GABRB2: variants seen among roughly 807,000 people sequenced by gnomAD.
GABRB2 encodes the protein gamma-aminobutyric acid receptor subunit beta-2.
A neutral mutation model predicts 54.7 loss-of-function variants in GABRB2; 16 were observed. The observed-to-expected ratio is 0.29, with a 90% CI of 0.20 to 0.44. The LOEUF (loss-of-function observed/expected upper bound fraction) is 0.44, where lower values mean the gene tolerates loss of function less well. Ranked by LOEUF, GABRB2 falls within the 20% of genes least tolerant of loss-of-function variation. The pLI is 1.00. For synonymous variants in GABRB2, 244 were observed against 233.8 expected (o/e 1.04, Z -0.40); for missense variants, 355 against 644.0 (o/e 0.55, Z 4.86).
intron 3 of GABRB2, among the ~76,000 whole-genome samples, chr5:161,518,738 C>T (rs181058705): frequency 6.6e-6 from 1 of 152,194 alleles, no homozygotes; most frequent in African/African-American, 2.4e-5. Context: ...AAAAGAGATG[C>T]TGATAAAGTC....
At chr5:161,365,665 T>A (rs186478017) in intron 5 of GABRB2, among the ~76,000 whole-genome samples, 43 of 152,278 alleles carry the variant, frequency 2.8e-4, no homozygotes, top group African/African-American at 1.0e-3. Context: ...ATTAGAAACA[T>A]GGAGAGGTTA....
At chr5:161,495,782 C>A (rs1246338112) in intron 3 of GABRB2, among the ~76,000 whole-genome samples, 1 of 152,076 alleles carries the variant, frequency 6.6e-6, no homozygotes, top group Non-Finnish European at 1.5e-5. Flanking sequence ...GAGACTTCCT[C>A]ATGAGGTGGC....
At chr5:161,335,666 G>T (rs4566829) in intron 6 of GABRB2, among the ~76,000 whole-genome samples, 13,219 of 152,150 alleles carry the variant, frequency 0.087, 639 homozygotes, top group Middle Eastern at 0.088. Context: ...GCCTTGTTTA[G>T]TTTTTGGAGG....
chr5:161,446,639 G>C (rs1757621870), intron 4 of GABRB2, among the ~76,000 whole-genome samples: 1 of 152,056 alleles, frequency 6.6e-6, no homozygotes, highest in African/African-American at 2.4e-5. Context: ...ATTTGTCTAA[G>C]ATTCAGTTCA....
chr5:161,509,301 C>T (rs976524701), intron 3 of GABRB2, among the ~76,000 whole-genome samples: 4 of 151,962 alleles, frequency 2.6e-5, no homozygotes, highest in Non-Finnish European at 5.9e-5. Context: ...AATATTTCTA[C>T]CATTTCTTCA....
chr5:161,382,887 C>T (rs912394353), intron 5 of GABRB2, among the ~76,000 whole-genome samples: 3 of 152,190 alleles, frequency 2.0e-5, no homozygotes, highest in Non-Finnish European at 4.4e-5. Context: ...ATGAGGTCCC[C>T]TGAGCCGATC....
chr5:161,434,679 C>T (rs1757261407), intron 4 of GABRB2, among the ~76,000 whole-genome samples: 1 of 152,250 alleles, frequency 6.6e-6, no homozygotes, highest in South Asian at 2.1e-4. Flanking sequence ...TCACCCCCTC[C>T]CCATCACCTC....
At chr5:161,454,332 A>C (rs1013688958) in intron 4 of GABRB2, among the ~76,000 whole-genome samples, 1 of 152,200 alleles carries the variant, frequency 6.6e-6, no homozygotes, top group Non-Finnish European at 1.5e-5. Context: ...CAATGGCTGC[A>C]GATACCTGGT....
intron 2 of GABRB2, 127 bp downstream of exon 2, chr5:161,546,195 T>C: frequency 4.2e-6 from 3 of 713,626 alleles, no homozygotes; most frequent in Admixed American, 4.8e-5. Context: ...TTTCTCAATA[T>C]GGTAAAATAG....
rs957568782 is a variant in GABRB2, at chr5:161,293,088, C to G, written c.*993G>C. Reference sequence around the variant, plus strand: ...TTTGTATATTTGAATGACTCTGAATCTAACCTGAATATCTAAGACAATTCT... The same window carrying G: ...TTTGTATATTTGAATGACTCTGAATGTAACCTGAATATCTAAGACAATTCT... On this transcript the variant is annotated 3_prime_UTR_variant, in exon 10 of 10. Coordinates refer to ENST00000393959, the MANE Select transcript of GABRB2 (RefSeq NM_001371727.1). 1.1e-4 allele frequency: 16 copies of G among 152,214 alleles called. No individual in the cohort carries two copies. Among genetic ancestry groups the G allele is most frequent in the Non-Finnish European group, 2.4e-4 (16 of 68,040 alleles). 9.4% of individuals were successfully genotyped at this position (152,214 alleles called of 1,614,324 possible).
chr5:161,548,394 A>C (rs1271691008), upstream of GABRB2, among the ~76,000 whole-genome samples: 1 of 152,148 alleles, frequency 6.6e-6, no homozygotes. Flanking sequence ...TCCTGAGTTT[A>C]TCTTGGAACT....
chr5:161,483,520 T>C (rs1420670880), intron 3 of GABRB2, among the ~76,000 whole-genome samples: 1 of 151,880 alleles, frequency 6.6e-6, no homozygotes, highest in Non-Finnish European at 1.5e-5. Context: ...GACCTCTTTA[T>C]TGAAACAGTG....
chr5:161,358,722 A>C (rs962237653), intron 5 of GABRB2, among the ~76,000 whole-genome samples: 10 of 152,106 alleles, frequency 6.6e-5, no homozygotes, highest in African/African-American at 2.4e-4. Flanking sequence ...ATGATGATTC[A>C]GTTTTCTTAG....
At chr5:161,476,523 C>G (rs372019191) in intron 3 of GABRB2, among the ~76,000 whole-genome samples, 106 of 151,840 alleles carry the variant, frequency 7.0e-4, no homozygotes, top group Admixed American at 1.5e-3. Flanking sequence ...GAAGTCTCAC[C>G]CCTCCTGACT....
intron 5 of GABRB2, among the ~76,000 whole-genome samples, chr5:161,377,274 T>C (rs1755334251): frequency 6.6e-6 from 1 of 152,120 alleles, no homozygotes; most frequent in South Asian, 2.1e-4. Context: ...CAGCAGCATT[T>C]TGTAAAACCC....
chr5:161,440,252 CA>C, intron 4 of GABRB2, among the ~76,000 whole-genome samples: 1 of 152,030 alleles, frequency 6.6e-6, no homozygotes, highest in Non-Finnish European at 1.5e-5. Flanking sequence ...TCAATAATGA[CA>C]TGAATGTAAA....
At chr5:161,443,985 C>T (rs996061754) in intron 4 of GABRB2, among the ~76,000 whole-genome samples, 1 of 152,116 alleles carries the variant, frequency 6.6e-6, no homozygotes, top group Admixed American at 6.6e-5. Flanking sequence ...ACATCATAAG[C>T]CTTGTTTACA....
At chr5:161,525,902 A>G (rs974497134) in intron 3 of GABRB2, among the ~76,000 whole-genome samples, 5 of 151,376 alleles carry the variant, frequency 3.3e-5, no homozygotes, top group African/African-American at 1.2e-4. Flanking sequence ...ATATGTGTGT[A>G]GAGGTGAGTG....
intron 3 of GABRB2, among the ~76,000 whole-genome samples, chr5:161,495,205 C>A (rs1375173175): frequency 5.9e-5 from 9 of 151,904 alleles, no homozygotes; most frequent in African/African-American, 1.9e-4. Flanking sequence ...CATCTGAACA[C>A]TGTTATTGTA....
Sources: allele counts gnomAD v4.1 joint callset (sites outside exome capture counted in the v4.1 genomes callset), GRCh38; gene constraint gnomAD v4.1.1; transcripts MANE v1.5; gene names NCBI Gene and HGNC (gene_info 2026-07-23, HGNC 2026-07-21).